GRIK4: variants seen among roughly 807,000 people sequenced by gnomAD.
The protein encoded by GRIK4 is glutamate ionotropic receptor kainate type subunit 4, also known as glutamate receptor ionotropic, kainate 4.
GRIK4 carries 40 observed loss-of-function variants against 104.9 expected under a neutral mutation model. The observed-to-expected ratio is 0.38, with a 90% CI of 0.30 to 0.50. GRIK4 has a LOEUF of 0.50. GRIK4 is among the 20% of genes least tolerant of loss of function. The pLI is 0.93. For missense variants in GRIK4, 1,047 were observed against 1,308.1 expected, an observed-to-expected ratio of 0.80 and a Z score of 3.08; for synonymous variants, 485 against 524.9, an observed-to-expected ratio of 0.92 and a Z score of 1.04.
intron 20 of GRIK4, among the ~76,000 whole-genome samples, chr11:120,983,913 AG>A (rs2134807374): frequency 6.6e-6 from 1 of 152,354 alleles, no homozygotes; most frequent in East Asian, 1.9e-4. Context: ...TAGATTAGGC[AG>A]GTGGTACTGT....
intron 3 of GRIK4, among the ~76,000 whole-genome samples, chr11:120,776,663 G>A (rs931995148): frequency 3.9e-5 from 6 of 152,296 alleles, no homozygotes; most frequent in Admixed American, 6.5e-5. Flanking sequence ...TGTTTCTGGC[G>A]CAGGGTCACT....
At chr11:120,580,243 C>CTT (rs1224286541) in intron 1 of GRIK4, among the ~76,000 whole-genome samples, 1 of 132,112 alleles carries the variant, frequency 7.6e-6, no homozygotes, top group Non-Finnish European at 1.6e-5. Context: ...TTCTTTCTTT[C>CTT]TTTCTTTCTT....
intron 3 of GRIK4, among the ~76,000 whole-genome samples, chr11:120,668,279 G>A (rs144656938): frequency 1.4e-3 from 200 of 141,234 alleles, no homozygotes; most frequent in African/African-American, 5.0e-3. Context: ...AAAGAAAAAA[G>A]AGAGAAAGAG....
chr11:120,924,295 G>A (rs1437007810), intron 13 of GRIK4, among the ~76,000 whole-genome samples: 4 of 152,104 alleles, frequency 2.6e-5, no homozygotes, highest in African/African-American at 7.2e-5. Flanking sequence ...TGAGGTCACC[G>A]CTGTAGCAGT....
intron 3 of GRIK4, among the ~76,000 whole-genome samples, chr11:120,740,363 C>T (rs1216173384): frequency 6.6e-6 from 1 of 152,164 alleles, no homozygotes. Context: ...CAGTAGCTCC[C>T]AGCCCCTCCT....
At chr11:120,898,428 C>T in intron 11 of GRIK4, 104 bp from the exon 12 acceptor site, 1 of 701,758 alleles carries the variant, frequency 1.4e-6, no homozygotes, top group Non-Finnish European at 2.6e-6. Flanking sequence ...CCACACCCCT[C>T]CCTGCTCACA....
chr11:120,629,068 C>G (rs1375989660), intron 1 of GRIK4, among the ~76,000 whole-genome samples: 2 of 151,960 alleles, frequency 1.3e-5, no homozygotes, highest in African/African-American at 4.8e-5. Flanking sequence ...GCCATTCAGA[C>G]CTGGGTGAGC....
chr11:120,698,262 T>C (rs1256610208), intron 3 of GRIK4, among the ~76,000 whole-genome samples: 2 of 152,240 alleles, frequency 1.3e-5, no homozygotes, highest in African/African-American at 2.4e-5. Flanking sequence ...TTAATTTCAA[T>C]GTTTAAATCC....
chr11:120,923,887 G>C (rs1046928955), intron 13 of GRIK4, among the ~76,000 whole-genome samples: 3 of 152,168 alleles, frequency 2.0e-5, no homozygotes, highest in Non-Finnish European at 4.4e-5. Flanking sequence ...CCTAGTGTCA[G>C]ATTCTGGTGG....
rs74450352 is a variant in GRIK4, at chr11:120,710,384, G to A, written c.82+49984G>A. Among the ~76,000 whole-genome samples, 1,523 of 152,304 alleles carry A rather than the reference G, an allele frequency of 1.0e-2. 22 individuals carry two copies. The highest frequency in any genetic ancestry group is 0.043 in the South Asian group (209 of 4,814). On this transcript the variant is annotated intron_variant, in intron 3 of 20. Coordinates refer to ENST00000527524, the MANE Select transcript of GRIK4 (RefSeq NM_014619.5). The stretch of plus-strand genomic sequence containing the variant: ...ACCACATGGCTCCTGCATGGCAGAA[G>A]TCAAGATACAGTTCGGACCTCCTGG...
intron 6 of GRIK4, among the ~76,000 whole-genome samples, chr11:120,824,534 CTTCTTTTTTTTTTCTT>C (rs1020930912): frequency 2.0e-5 from 3 of 148,680 alleles, no homozygotes; most frequent in Middle Eastern, 3.5e-3. Flanking sequence ...ATTTTTTTTC[CTTCTTTTTTTTTTCTT>C]TTCTTTTTTT....
chr11:120,925,505 C>T (rs1030527112), intron 13 of GRIK4, among the ~76,000 whole-genome samples: 1 of 152,162 alleles, frequency 6.6e-6, no homozygotes, highest in Non-Finnish European at 1.5e-5. Context: ...TAGCTTTGCC[C>T]GTTGTCAGCG....
intron 1 of GRIK4, among the ~76,000 whole-genome samples, chr11:120,622,197 G>A (rs1565577734): frequency 1.3e-5 from 2 of 151,158 alleles, no homozygotes; most frequent in South Asian, 4.2e-4. Context: ...CACCGCCCCC[G>A]GCCTTATTAT....
intron 1 of GRIK4, among the ~76,000 whole-genome samples, chr11:120,608,227 C>G (rs561666004): frequency 6.6e-6 from 1 of 152,330 alleles, no homozygotes; most frequent in East Asian, 1.9e-4. Context: ...TTCCAGCCAG[C>G]TGGGAGTGCA....
intron 12 of GRIK4, among the ~76,000 whole-genome samples, chr11:120,898,942 C>T (rs932489130): frequency 2.6e-5 from 4 of 152,180 alleles, no homozygotes; most frequent in Admixed American, 2.0e-4. Context: ...TGACACAGAG[C>T]GGGCAGCTGG....
chr11:120,733,505 G>A (rs1473058549), intron 3 of GRIK4, among the ~76,000 whole-genome samples: 2 of 151,102 alleles, frequency 1.3e-5, no homozygotes, highest in African/African-American at 2.4e-5. Context: ...TTTTTTGGGG[G>A]GGGAGCTTAC....
chr11:120,699,551 G>A lies in GRIK4; in HGVS notation c.82+39151G>A, dbSNP rs61901365. 8.8e-5 allele frequency among the ~76,000 whole-genome samples: 5 copies of A among 56,616 alleles called. No homozygotes were observed. In the East Asian group the frequency reaches 1.4e-3, roughly 15 times the overall value. The allele number at this position is 56,616 out of a possible 152,430, so 37.1% of individuals were successfully genotyped here. ...GTCAGGTGTGTGTATGTGTGTGTGT[G>A]TGTGTGTGTGTGTGTGTGTGTGTGT... is the stretch of plus-strand genomic sequence containing the variant. On this transcript the variant is annotated intron_variant, in intron 3 of 20. Transcript: ENST00000527524.
intron 1 of GRIK4, among the ~76,000 whole-genome samples, chr11:120,550,564 AT>A (rs1187416880): frequency 6.6e-6 from 1 of 152,056 alleles, no homozygotes; most frequent in Non-Finnish European, 1.5e-5. Flanking sequence ...AGAGGATGGC[AT>A]TCTGGGGTAT....
rs545001929 is a variant in GRIK4 at position 120,888,041 on chromosome 11, C to T, written c.1165-10491C>T. ...CCCACTCTGCTTATTTCTCTGCCGC[C>T]TAGCCTCCCCTTCCTCAAGCTTTAT... On this transcript the variant is annotated intron_variant, in intron 11 of 20. Coordinates refer to ENST00000527524, the MANE Select transcript of GRIK4 (RefSeq NM_014619.5). Among the ~76,000 whole-genome samples, 4 of 152,260 alleles carry T rather than the reference C, an allele frequency of 2.6e-5. No homozygotes were observed. The Middle Eastern group carries it at 0.014, about 518-fold the overall frequency.
Sources: allele counts gnomAD v4.1 joint callset (sites outside exome capture counted in the v4.1 genomes callset), GRCh38; gene constraint gnomAD v4.1.1; transcripts MANE v1.5; gene names NCBI Gene and HGNC (gene_info 2026-07-23, HGNC 2026-07-21).